The following ADGRL3 variants were observed in gnomAD, a reference collection of about 807,000 sequenced individuals.
ADGRL3 encodes the protein calcium-independent alpha-latrotoxin receptor 3.
Under a neutral mutation model 153.5 loss-of-function variants are expected in ADGRL3, and 62 were observed. The ratio of observed to expected loss-of-function variants is 0.40; its 90% confidence interval spans 0.33 to 0.50. The LOEUF is 0.50. Among genes scored for constraint, ADGRL3 ranks in the 20% least tolerant of loss-of-function variants. The pLI is 0.47. For missense variants in ADGRL3, 1,641 were observed against 1,859.4 expected (o/e 0.88, Z 2.16); for synonymous variants, 710 against 672.5 (o/e 1.06, Z -0.86).
rs558349911 is a variant in ADGRL3 at position 61,935,450 on chromosome 4, T to G, written c.2296+427T>G. Among the ~76,000 whole-genome samples, 96 of 152,298 alleles carry G rather than the reference T, an allele frequency of 6.3e-4. 2 individuals carry two copies. Among genetic ancestry groups the G allele is most frequent in the South Asian group, 2.9e-3 (14 of 4,830 alleles). ...AATGATAAAACAGTGTTTGATAATC[T>G]TGTTATTTGGCTTATAAAGGATATC... is the stretch of plus-strand genomic sequence containing the variant. On this transcript the variant is annotated intron_variant, in intron 14 of 26. Transcript: ENST00000683033.
intron 1 of ADGRL3, among the ~76,000 whole-genome samples, chr4:61,353,180 T>G (rs1024162007): frequency 6.6e-6 from 1 of 152,192 alleles, no homozygotes; most frequent in Non-Finnish European, 1.5e-5. Flanking sequence ...AGTAAATAAA[T>G]AAGTCTGTAT....
chr4:61,790,319 A>G (rs952293007), intron 8 of ADGRL3, among the ~76,000 whole-genome samples: 7 of 152,174 alleles, frequency 4.6e-5, no homozygotes, highest in African/African-American at 1.7e-4. Flanking sequence ...TCCTTTGGCA[A>G]TGGTTGGTTG....
intron 8 of ADGRL3, among the ~76,000 whole-genome samples, chr4:61,798,136 A>C (rs1183925991): frequency 6.6e-6 from 1 of 152,196 alleles, no homozygotes; most frequent in Non-Finnish European, 1.5e-5. Flanking sequence ...TTTCTGAAAC[A>C]ATTTTTTTTT....
intron 2 of ADGRL3, among the ~76,000 whole-genome samples, chr4:61,432,584 TTC>T (rs1199460344): frequency 0.13 from 720 of 5,446 alleles, 40 homozygotes; most frequent in Non-Finnish European, 0.27. Flanking sequence ...CTTTCTTTCT[TTC>T]TTTCTTTCTT....
At chr4:61,319,649 C>T (rs1161859434) in intron 1 of ADGRL3, among the ~76,000 whole-genome samples, 1 of 152,070 alleles carries the variant, frequency 6.6e-6, no homozygotes, top group Non-Finnish European at 1.5e-5. Context: ...TCATTGAGCT[C>T]AAATTTGATT....
intron 9 of ADGRL3, among the ~76,000 whole-genome samples, chr4:61,881,552 C>T (rs534212433): frequency 6.6e-6 from 1 of 151,960 alleles, no homozygotes; most frequent in Admixed American, 6.6e-5. Context: ...CTAGTTTTTG[C>T]GTTTTAGTAG....
At position 62,037,826 on chromosome 4, in the gene ADGRL3, A is replaced by C. The variant is rs1399443958; in HGVS notation, c.3687A>C (p.Arg1229=). 1 of 1,613,634 alleles carries C rather than the reference A, an allele frequency of 6.2e-7. No homozygotes were observed. The highest frequency in any genetic ancestry group is 8.5e-7 in the Non-Finnish European group (1 of 1,179,760). ...SIGSGKTSGS[R]TPGRYSTGSQ... ...GTTCAGGGAAAACATCTGGTTCTCG[A>C]ACTCCTGGACGCTACTCCACAGGCT... Residue 1229 remains arginine (R), a synonymous_variant, in exon 24 of 27, where the codon CGA becomes CGC. Transcript: ENST00000683033.
chr4:61,620,186 T>C (rs941764828), intron 5 of ADGRL3, among the ~76,000 whole-genome samples: 2 of 152,032 alleles, frequency 1.3e-5, no homozygotes, highest in African/African-American at 4.8e-5. Context: ...TATAACTAAT[T>C]TCTCTACATT....
At chr4:61,501,406 T>C (rs1000882837) in intron 3 of ADGRL3, among the ~76,000 whole-genome samples, 1 of 152,196 alleles carries the variant, frequency 6.6e-6, no homozygotes, top group Non-Finnish European at 1.5e-5. Context: ...CTTTCATTTT[T>C]TTCCCCTGCT....
At chr4:61,844,576 A>AAAAATATATG (rs2098089494) in intron 9 of ADGRL3, among the ~76,000 whole-genome samples, 5 of 9,462 alleles carry the variant, frequency 5.3e-4, no homozygotes, top group Non-Finnish European at 8.3e-4. Context: ...AAAAAAAAAA[A>AAAAATATATG]TATATATATA....
chr4:62,006,003 C>CACATATATAT (rs1230956055), intron 21 of ADGRL3, among the ~76,000 whole-genome samples: 5 of 48,988 alleles, frequency 1.0e-4, no homozygotes, highest in East Asian at 9.0e-4. Context: ...CACACACACA[C>CACATATATAT]ATATATATAT....
At chr4:62,029,524 T>G (rs1284300930) in intron 22 of ADGRL3, among the ~76,000 whole-genome samples, 1 of 151,644 alleles carries the variant, frequency 6.6e-6, no homozygotes, top group Non-Finnish European at 1.5e-5. Context: ...TGTTAACATT[T>G]AGACATTTTT....
rs559903226 is a variant in ADGRL3 at position 61,473,258 on chromosome 4, T to C, written c.-173-23863T>C. On this transcript the variant is annotated intron_variant, in intron 2 of 26. Transcript: ENST00000683033. ...GTGTGTGTGTGGTCTTTTTTTTAAG[T>C]AGGGGAAACTTTTAAAATATTTCCA... Among the ~76,000 whole-genome samples, 60 of 151,784 alleles carry C rather than the reference T, an allele frequency of 4.0e-4. 1 individual carries two copies. Among genetic ancestry groups the C allele is most frequent in the African/African-American group, 1.4e-3 (58 of 41,376 alleles).
At chr4:61,816,106 A>T (rs2097685928) in intron 9 of ADGRL3, among the ~76,000 whole-genome samples, 1 of 152,210 alleles carries the variant, frequency 6.6e-6, no homozygotes, top group African/African-American at 2.4e-5. Flanking sequence ...GAAAGGTAAG[A>T]GTCCTACTAA....
At chr4:61,795,215 A>G (rs543085888) in intron 8 of ADGRL3, among the ~76,000 whole-genome samples, 1 of 152,174 alleles carries the variant, frequency 6.6e-6, no homozygotes, top group South Asian at 2.1e-4. Context: ...GCAACCTCGA[A>G]CTTCTAGGCT....
chr4:61,719,400 G>A (rs1375929274), intron 6 of ADGRL3, among the ~76,000 whole-genome samples: 1 of 151,882 alleles, frequency 6.6e-6, no homozygotes, highest in East Asian at 1.9e-4. Context: ...ACACTGTGAT[G>A]GTCACTGAAG....
At chr4:62,016,924 A>G (rs1444697381) in intron 21 of ADGRL3, among the ~76,000 whole-genome samples, 3 of 151,938 alleles carry the variant, frequency 2.0e-5, no homozygotes, top group Non-Finnish European at 2.9e-5. Flanking sequence ...GTTAATTTGT[A>G]TATAGATTCT....
intron 16 of ADGRL3, among the ~76,000 whole-genome samples, 175 bp downstream of exon 16, chr4:61,947,297 A>G (rs2098929158): frequency 6.6e-6 from 1 of 152,168 alleles, no homozygotes; most frequent in Non-Finnish European, 1.5e-5. Context: ...GGAGGAGAAT[A>G]ATCCTTATAT....
At chr4:61,520,302 C>G (rs1336727304) in intron 4 of ADGRL3, among the ~76,000 whole-genome samples, 1 of 152,122 alleles carries the variant, frequency 6.6e-6, no homozygotes, top group Non-Finnish European at 1.5e-5. Context: ...CAGCATATTT[C>G]TTGGTTTATT....
Sources: allele counts gnomAD v4.1 joint callset (sites outside exome capture counted in the v4.1 genomes callset), GRCh38; gene constraint gnomAD v4.1.1; transcripts MANE v1.5; gene names NCBI Gene and HGNC (gene_info 2026-07-23, HGNC 2026-07-21).